The following UGGT2 variants were observed in gnomAD, a reference collection of about 807,000 sequenced individuals.
UGGT2 encodes UDP-glucose:glycoprotein glucosyltransferase 2.
In UGGT2, 180 loss-of-function variants were observed where a neutral mutation model predicts 192.1. The observed-to-expected ratio is 0.94, with a 90% CI of 0.83 to 1.06. The LOEUF (loss-of-function observed/expected upper bound fraction) is 1.06, where lower values mean the gene tolerates loss of function less well. UGGT2 is among the 50% of genes least tolerant of loss of function. The pLI is 0.00. For synonymous variants in UGGT2, 580 were observed against 591.0 expected (o/e 0.98, Z 0.27); for missense variants, 1,849 against 1,795.7 (o/e 1.03, Z -0.54).
chr13:96,013,024 T>A (rs1427984454), intron 5 of UGGT2, among the ~76,000 whole-genome samples: 2 of 152,028 alleles, frequency 1.3e-5, no homozygotes, highest in Non-Finnish European at 2.9e-5. Context: ...ATTTCTTAAT[T>A]GCAAATTCTT....
intron 31 of UGGT2, among the ~76,000 whole-genome samples, chr13:95,862,096 C>G (rs75467424): frequency 0.026 from 3,959 of 152,242 alleles, 173 homozygotes; most frequent in African/African-American, 0.091. Context: ...CCCTGTCAAA[C>G]ATACCTACCC....
chr13:95,826,986 T>G (rs982998001), intron 38 of UGGT2, among the ~76,000 whole-genome samples: 2 of 152,138 alleles, frequency 1.3e-5, no homozygotes, highest in Non-Finnish European at 2.9e-5. Context: ...ACTTGGCACA[T>G]GTATAGACAG....
chr13:95,806,568 T>C (rs966035450), intron 38 of UGGT2, among the ~76,000 whole-genome samples: 1 of 152,110 alleles, frequency 6.6e-6, no homozygotes, highest in Non-Finnish European at 1.5e-5. Flanking sequence ...AAAATTCATA[T>C]GAAATCTTGA....
intron 1 of UGGT2, among the ~76,000 whole-genome samples, chr13:96,037,906 A>C (rs2053052456): frequency 6.6e-6 from 1 of 152,262 alleles, no homozygotes; most frequent in African/African-American, 2.4e-5. Flanking sequence ...GGTTGAAGAA[A>C]CTACAGGCTT....
chr13:96,027,567 A>G (rs926894093), intron 2 of UGGT2, among the ~76,000 whole-genome samples: 2 of 152,202 alleles, frequency 1.3e-5, no homozygotes, highest in African/African-American at 4.8e-5. Flanking sequence ...ATTAAAAAAA[A>G]TAAGTGGCAG....
chr13:95,988,372 G>C (rs2051355367), intron 8 of UGGT2, among the ~76,000 whole-genome samples: 1 of 152,124 alleles, frequency 6.6e-6, no homozygotes, highest in Non-Finnish European at 1.5e-5. Context: ...GATTATCTCA[G>C]TAACCTTATT....
In UGGT2 at chr13:95,837,192, T is replaced by C. The variant is rs193168605; in HGVS notation, c.4295A>G (p.Asn1432Ser). Residue 1432 changes from asparagine to serine, a missense_variant, in exon 37 of 39, where the codon AAT becomes AGT. By Grantham distance (46) the Asn-to-Ser change is conservative. Transcript: ENST00000376747. ...SLSNLDQDLP[N>S]NMIYQVAIKS... ...AATGGCGACTTGGTAAATCATATTA[T>C]TGGGGAGATCCTACAGAAAATTGTG... is the stretch of plus-strand genomic sequence containing the variant. The C allele has an allele frequency of 2.7e-5, 43 of 1,611,638 alleles. No homozygotes were observed. The highest frequency in any genetic ancestry group is 1.3e-4 in the African/African-American group (10 of 74,882).
At chr13:95,986,561 C>T (rs552537842) in intron 8 of UGGT2, 129 bp from the exon 9 acceptor site, 3 of 554,992 alleles carry the variant, frequency 5.4e-6, no homozygotes, top group Non-Finnish European at 8.9e-6. Context: ...AATACTGTTA[C>T]ATCTGCATTT....
chr13:96,028,592 G>A (rs1375546963), intron 2 of UGGT2, among the ~76,000 whole-genome samples: 1 of 151,984 alleles, frequency 6.6e-6, no homozygotes, highest in African/African-American at 2.4e-5. Context: ...TTTTAAACAG[G>A]CAATTCATTG....
At chr13:95,817,671 G>A (rs1037725529) in intron 38 of UGGT2, among the ~76,000 whole-genome samples, 2 of 151,970 alleles carry the variant, frequency 1.3e-5, no homozygotes, top group African/African-American at 4.8e-5. Context: ...ATAAAAGGCT[G>A]AAGACATGCA....
At chr13:95,881,406 C>A (rs892410908) in intron 27 of UGGT2, among the ~76,000 whole-genome samples, 3 of 152,048 alleles carry the variant, frequency 2.0e-5, no homozygotes, top group African/African-American at 7.2e-5. Flanking sequence ...CAAATGTGAC[C>A]TTTTCCCAAA....
chr13:95,856,414 TAA>T, intron 33 of UGGT2, 74 bp from the exon 34 acceptor site: 1 of 1,498,820 alleles, frequency 6.7e-7, no homozygotes, highest in Admixed American at 2.4e-5. Flanking sequence ...AAAATAACAT[TAA>T]AAAGGTAAAG....
At chr13:95,834,120 A>G (rs1887018540) in intron 37 of UGGT2, among the ~76,000 whole-genome samples, 1 of 152,180 alleles carries the variant, frequency 6.6e-6, no homozygotes, top group South Asian at 2.1e-4. Flanking sequence ...TCTTCTATAT[A>G]GTGAAGATAA....
At chr13:95,884,140 TG>T (rs1440366826) in intron 27 of UGGT2, among the ~76,000 whole-genome samples, 3 of 150,216 alleles carry the variant, frequency 2.0e-5, no homozygotes, top group Admixed American at 6.6e-5. Context: ...AAACTAAACT[TG>T]AAGAGCAAAA....
chr13:95,954,418 A>G (rs2050155049), intron 12 of UGGT2, among the ~76,000 whole-genome samples: 1 of 152,214 alleles, frequency 6.6e-6, no homozygotes, highest in South Asian at 2.1e-4. Context: ...ATTCAGACAC[A>G]GCTGAGCAGC....
intron 26 of UGGT2, among the ~76,000 whole-genome samples, chr13:95,886,683 T>A (rs2047655719): frequency 6.6e-6 from 1 of 152,172 alleles, no homozygotes; most frequent in South Asian, 2.1e-4. Context: ...AGTCCTAAAC[T>A]TTCACTTAAA....
chr13:96,007,866 G>A (rs1301651870), intron 5 of UGGT2, among the ~76,000 whole-genome samples: 1 of 152,014 alleles, frequency 6.6e-6, no homozygotes, highest in Non-Finnish European at 1.5e-5. Flanking sequence ...GAACAGAATA[G>A]AGAACTCAGA....
rs746172565 is a variant in UGGT2, at chr13:96,013,477, T to C, written c.490A>G (p.Arg164Gly). 1 of 1,530,026 alleles carries C rather than the reference T, an allele frequency of 6.5e-7. No individual in the cohort carries two copies. Among genetic ancestry groups the C allele is most frequent in the Non-Finnish European group, 8.8e-7 (1 of 1,142,448 alleles). 94.8% of individuals were successfully genotyped at this position (1,530,026 alleles called of 1,614,324 possible). Residue 164 changes from arginine (R) to glycine (G), a missense_variant, in exon 5 of 39, where the codon AGA (arginine) becomes GGA (glycine). By Grantham distance (125) the Arg-to-Gly change is moderately radical (BLOSUM62 -2). Transcript: ENST00000376747. ...KLLKKAASRT[R>G]PYLFKGDHKF... ...TGATCTCCTTTAAATAGATAAGGTC[T>C]AGTCCTAAGATAAAAGCAAAACACA... is the stretch of plus-strand genomic sequence containing the variant.
intron 20 of UGGT2, among the ~76,000 whole-genome samples, chr13:95,908,871 C>T (rs370535055): frequency 0.097 from 12,045 of 124,076 alleles, 713 homozygotes; most frequent in Middle Eastern, 0.17. Context: ...GAGTAGGTTG[C>T]GAAAATTTTC....
Sources: allele counts gnomAD v4.1 joint callset (sites outside exome capture counted in the v4.1 genomes callset), GRCh38; gene constraint gnomAD v4.1.1; transcripts MANE v1.5; gene names NCBI Gene and HGNC (gene_info 2026-07-23, HGNC 2026-07-21).